The following PCDH10 variants were observed in gnomAD, a reference collection of about 807,000 sequenced individuals.
The protein encoded by PCDH10 is protocadherin 10, also known as protocadherin-10.
PCDH10 carries 15 observed loss-of-function variants against 74.4 expected under a neutral mutation model. The ratio of observed to expected loss-of-function variants is 0.20; its 90% CI spans 0.13 to 0.31. PCDH10 has a LOEUF of 0.31. Among genes scored for constraint, PCDH10 ranks in the 10% least tolerant of loss-of-function variants. The pLI, the probability that PCDH10 is intolerant of heterozygous loss-of-function variation, is 1.00. For synonymous variants in PCDH10, 619 were observed against 589.8 expected (o/e 1.05, Z -0.72); for missense variants, 1,260 against 1,390.2 (o/e 0.91, Z 1.49).
rs1429679034 is a variant in PCDH10 at position 133,152,046 on chromosome 4, G to A, written c.1906G>A (p.Gly636Arg). 6.2e-7 allele frequency: 1 copy of A among 1,610,966 alleles called. No homozygotes were observed. The highest frequency in any genetic ancestry group is 8.5e-7 in the Non-Finnish European group (1 of 1,178,850). The change falls in exon 1 of 5, where the codon GGG becomes AGG. Residue 636 changes from glycine to arginine, a missense_variant. This residue lies in a region of PCDH10 where 587 missense variants were observed against 616.9 expected (regional missense o/e 0.95). Transcript: ENST00000264360. ...CCTCTTTCGCATGGACTGGCGCACC[G>A]GGGAGCTGCGCACAGCACGCCGAGT... Reference protein sequence around the residue: ...MNLFRMDWRTGELRTARRVPA... With the variant: ...MNLFRMDWRTRELRTARRVPA...
intron 4 of PCDH10, among the ~76,000 whole-genome samples, chr4:133,165,139 G>A (rs966807409): frequency 6.7e-6 from 1 of 149,440 alleles, no homozygotes. Flanking sequence ...TTTAATTGTA[G>A]TTTTTTTCCC....
chr4:133,154,296 T>G lies in PCDH10; in HGVS notation c.2632-11T>G. The G allele has an allele frequency of 6.3e-7, 1 of 1,596,428 alleles. No homozygotes were observed. Among genetic ancestry groups the G allele is most frequent in the Non-Finnish European group, 8.6e-7 (1 of 1,168,234 alleles). On this transcript the variant is annotated splice_polypyrimidine_tract_variant and intron_variant, in intron 1 of 4. Coordinates refer to ENST00000264360, the MANE Select transcript of PCDH10 (RefSeq NM_032961.3). ...ATTCAAATGCTCTTGATTTATTTAT[T>G]TTTTTCCTAGACTAAACACCAGCGA... is the stretch of plus-strand genomic sequence containing the variant.
intron 4 of PCDH10, among the ~76,000 whole-genome samples, chr4:133,170,968 G>A (rs898106237): frequency 6.6e-6 from 1 of 151,416 alleles, no homozygotes; most frequent in Admixed American, 6.6e-5. Context: ...GAACCACCTC[G>A]CCCAGGTAGT....
At position 133,151,401 on chromosome 4, in the gene PCDH10, C is replaced by G. The variant is rs1325814675; in HGVS notation, c.1261C>G (p.Leu421Val). 1 of 1,614,178 alleles carries G rather than the reference C, an allele frequency of 6.2e-7. No individual in the cohort carries two copies. Among genetic ancestry groups the G allele is most frequent in the East Asian group, 2.2e-5 (1 of 44,852 alleles). The change falls in exon 1 of 5, where the codon CTG (leucine) becomes GTG (valine). Residue 421 changes from leucine to valine, a missense_variant. This residue lies in a region of PCDH10 where 112 missense variants were observed against 123.6 expected (regional missense o/e 0.91). Coordinates refer to ENST00000264360, the MANE Select transcript of PCDH10 (RefSeq NM_032961.3). Reference sequence around the variant, plus strand: ...CTACACCATCGTTACCGAAGCCCCCCTGGACCGAGAGGCGGGGGACTCCTA... The same window carrying G: ...CTACACCATCGTTACCGAAGCCCCCGTGGACCGAGAGGCGGGGGACTCCTA... Reference protein sequence around the residue: ...NYYTIVTEAPLDREAGDSYTL... With the variant: ...NYYTIVTEAPVDREAGDSYTL...
chr4:133,162,255 A>G (rs1001127280), intron 3 of PCDH10, among the ~76,000 whole-genome samples: 1 of 152,186 alleles, frequency 6.6e-6, no homozygotes, highest in Non-Finnish European at 1.5e-5. Context: ...TTCATTAATT[A>G]CAGTCATTTG....
At chr4:133,167,358 G>C (rs1459642043) in intron 4 of PCDH10, among the ~76,000 whole-genome samples, 3 of 151,384 alleles carry the variant, frequency 2.0e-5, no homozygotes, top group Non-Finnish European at 4.4e-5. Context: ...TTCATAATTT[G>C]TTGAACTCAG....
At chr4:133,201,856 C>CAAAAA (rs11400760) in intron 2 of PCDH10, among the ~76,000 whole-genome samples, 9 of 72,360 alleles carry the variant, frequency 1.2e-4, no homozygotes, top group South Asian at 7.2e-4. Flanking sequence ...AACTCCATCT[C>CAAAAA]AAAAAAAAAA....
Position 133,150,062 on chromosome 4 carries a change from T to A in PCDH10, c.-79T>A. 1 of 1,444,106 alleles carries A rather than the reference T, an allele frequency of 6.9e-7. No homozygotes were observed. Among genetic ancestry groups the A allele is most frequent in the Non-Finnish European group, 9.1e-7 (1 of 1,096,868 alleles). The allele number at this position is 1,444,106 out of a possible 1,614,324, so 89.5% of individuals were successfully genotyped here. ...CACTTTTATTTGTATTTTTTCAGATTTTTTTTTGTTTCGTGGTGGTGGGGG... is the reference window on the plus strand; with the variant it reads ...CACTTTTATTTGTATTTTTTCAGATATTTTTTTGTTTCGTGGTGGTGGGGG... On this transcript the variant is annotated 5_prime_UTR_variant, in exon 1 of 5. Transcript: ENST00000264360.
At chr4:133,188,669 T>G (rs960958469) in intron 4 of PCDH10, among the ~76,000 whole-genome samples, 1 of 137,194 alleles carries the variant, frequency 7.3e-6, no homozygotes, top group African/African-American at 2.8e-5. Context: ...CTATGGGTTT[T>G]TTTTTTTTTT....
chr4:133,151,237 C>A lies in PCDH10; in HGVS notation c.1097C>A (p.Ala366Glu), dbSNP rs1347285798. The change falls in exon 1 of 5, where the codon GCG becomes GAG. Residue 366 changes from alanine to glutamate, a missense_variant. Physicochemically the swap from Ala to Glu is moderately radical, Grantham distance 107. This residue lies in a region of PCDH10 where 112 missense variants were observed against 123.6 expected (regional missense o/e 0.91). Transcript: ENST00000264360. ...PEISFSTVKE[A>E]VSEGAAPGTV... is the part of the protein sequence containing the mutation. ...ATCAGCTTCAGCACCGTGAAGGAAG[C>A]GGTGAGTGAGGGCGCGGCGCCCGGC... 1.2e-6 allele frequency: 2 copies of A among 1,613,726 alleles called. No individual in the cohort carries two copies. The highest frequency in any genetic ancestry group is 2.2e-5 in the South Asian group (2 of 91,072).
At position 133,193,670 on chromosome 4, in the gene PCDH10, G is replaced by A. The variant is rs1352756244; in HGVS notation, c.*3510G>A. The A allele has an allele frequency of 4.0e-5, 6 of 151,670 alleles. No homozygotes were observed. The highest frequency in any genetic ancestry group is 1.4e-4 in the African/African-American group (6 of 41,402). 9.4% of individuals were successfully genotyped at this position (151,670 alleles called of 1,614,324 possible). A position where few individuals can be genotyped will look rare whatever the true frequency, so the allele number is the denominator to read the frequency against. On this transcript the variant is annotated 3_prime_UTR_variant, in exon 5 of 5. Transcript: ENST00000264360. Reference sequence around the variant, plus strand: ...TAAGTTATTGACTGATCATAGCACTGTTATTTGTCATTGCATGTGTTTTTC... The same window carrying A: ...TAAGTTATTGACTGATCATAGCACTATTATTTGTCATTGCATGTGTTTTTC...
At position 133,192,520 on chromosome 4, in the gene PCDH10, T is replaced by C. The variant is rs1421499465; in HGVS notation, c.*2360T>C. 6.6e-6 allele frequency: 1 copy of C among 151,610 alleles called. No individual in the cohort carries two copies. Among genetic ancestry groups the C allele is most frequent in the African/African-American group, 2.4e-5 (1 of 41,414 alleles). The allele number at this position is 151,610 out of a possible 1,614,324, so 9.4% of individuals were successfully genotyped here. On this transcript the variant is annotated 3_prime_UTR_variant, in exon 5 of 5. Coordinates refer to ENST00000264360, the MANE Select transcript of PCDH10 (RefSeq NM_032961.3). ...GACATTTTCTTTAATTATTTAACCT[T>C]TTATATCATTGTATATAATCTCCTT...
chr4:133,172,469 A>G (rs1727221907), intron 4 of PCDH10, among the ~76,000 whole-genome samples: 1 of 151,936 alleles, frequency 6.6e-6, no homozygotes, highest in Non-Finnish European at 1.5e-5. Flanking sequence ...AAGTACAAAA[A>G]TCATAAATGT....
intron 4 of PCDH10, among the ~76,000 whole-genome samples, chr4:133,171,030 C>CA (rs113851351): frequency 0.2 from 28,573 of 143,176 alleles, 2,858 homozygotes; most frequent in Non-Finnish European, 0.22. Flanking sequence ...TTAAGTATAG[C>CA]AAAAAAAAAA....
intron 1 of PCDH10, chr4:133,153,822 A>G (rs961202880): frequency 1.3e-5 from 2 of 154,054 alleles, no homozygotes; most frequent in South Asian, 2.0e-4. Flanking sequence ...GAATATTTGT[A>G]CAGCTCATTT....
In PCDH10 at chr4:133,152,297, C is replaced by T; in HGVS notation, c.2157C>T (p.Ile719=). The T allele has an allele frequency of 6.2e-7, 1 of 1,614,168 alleles. No homozygotes were observed. The highest frequency in any genetic ancestry group is 8.5e-7 in the Non-Finnish European group (1 of 1,180,028). ...ETSLDLTLIL[I]IALGSVSFIF... Reference sequence around the variant, plus strand: ...CGCTAGACCTCACCCTCATCCTCATCATCGCGTTGGGCTCGGTGTCCTTCA... The same window carrying T: ...CGCTAGACCTCACCCTCATCCTCATTATCGCGTTGGGCTCGGTGTCCTTCA... Residue 719 remains isoleucine (I), a synonymous_variant, in exon 1 of 5, where the codon ATC becomes ATT. Transcript: ENST00000264360.
At chr4:133,181,406 T>C (rs1266651927) in intron 4 of PCDH10, among the ~76,000 whole-genome samples, 1 of 152,074 alleles carries the variant, frequency 6.6e-6, no homozygotes, top group Non-Finnish European at 1.5e-5. Flanking sequence ...ATGCAACATT[T>C]TTTTGACTTT....
At chr4:133,183,660 G>A (rs1474807595) in intron 4 of PCDH10, among the ~76,000 whole-genome samples, 1 of 152,058 alleles carries the variant, frequency 6.6e-6, no homozygotes, top group East Asian at 1.9e-4. Context: ...TGATTTGGAA[G>A]GTATCTCCCA....
chr4:133,194,533 G>A lies in PCDH10; in HGVS notation c.*4373G>A, dbSNP rs955705278. On this transcript the variant is annotated 3_prime_UTR_variant, in exon 5 of 5. Coordinates refer to ENST00000264360, the MANE Select transcript of PCDH10 (RefSeq NM_032961.3). The stretch of plus-strand genomic sequence containing the variant: ...CTGTGAATGCTATAATAATACATAA[G>A]TAAAATGAGTGTAAATGTAATAAAT... 3.3e-5 allele frequency: 5 copies of A among 151,792 alleles called. No homozygotes were observed. Among genetic ancestry groups the A allele is most frequent in the African/African-American group, 1.2e-4 (5 of 41,402 alleles). 9.4% of individuals were successfully genotyped at this position (151,792 alleles called of 1,614,324 possible).
Sources: allele counts gnomAD v4.1 joint callset (sites outside exome capture counted in the v4.1 genomes callset), GRCh38; gene constraint gnomAD v4.1.1; regional missense constraint gnomAD v4.1.1; transcripts MANE v1.5; gene names NCBI Gene and HGNC (gene_info 2026-07-23, HGNC 2026-07-21).